Variants in CHRM3 observed in about 807,000 individuals in gnomAD.
The protein encoded by CHRM3 is muscarinic acetylcholine receptor M3.
In CHRM3, 11 loss-of-function variants were observed where a neutral mutation model predicts 41.8. The ratio of observed to expected loss-of-function variants is 0.26; its 90% CI spans 0.17 to 0.44. The LOEUF (loss-of-function observed/expected upper bound fraction) is 0.44. Among genes scored for constraint, CHRM3 ranks in the 20% least tolerant of loss-of-function variants. The probability of loss-of-function intolerance (pLI) is 1.00; values close to 1 mark genes in which losing one functional copy is unlikely to be tolerated. For synonymous variants in CHRM3, 297 were observed against 301.4 expected (o/e 0.99, Z 0.15); for missense variants, 571 against 745.4 (o/e 0.77, Z 2.72).
intron 6 of CHRM3, among the ~76,000 whole-genome samples, chr1:239,862,407 T>G (rs1279057686): frequency 6.6e-6 from 1 of 152,234 alleles, no homozygotes; most frequent in African/African-American, 2.4e-5. Flanking sequence ...AGTAGAGGTT[T>G]ATGTTCAAAG....
intron 3 of CHRM3, among the ~76,000 whole-genome samples, chr1:239,593,251 CCAAAATTTTA>C (rs1459475207): frequency 6.6e-6 from 1 of 152,108 alleles, no homozygotes; most frequent in Non-Finnish European, 1.5e-5. Context: ...ACCTTAAAAA[CCAAAATTTTA>C]TTCTTTACCT....
chr1:239,664,525 G>GT (rs1673570701), intron 4 of CHRM3, among the ~76,000 whole-genome samples: 2 of 152,112 alleles, frequency 1.3e-5, no homozygotes, highest in Admixed American at 6.5e-5. Flanking sequence ...AAACTTTATT[G>GT]TTTTTTCTCT....
At chr1:239,832,888 C>T (rs1673010817) in intron 6 of CHRM3, among the ~76,000 whole-genome samples, 1 of 152,176 alleles carries the variant, frequency 6.6e-6, no homozygotes. Flanking sequence ...GAGTCTGGGT[C>T]TGTTTAGTTA....
intron 6 of CHRM3, among the ~76,000 whole-genome samples, chr1:239,872,372 G>A (rs553727613): frequency 5.9e-5 from 9 of 152,224 alleles, no homozygotes; most frequent in East Asian, 1.9e-4. Context: ...GTGACCAATC[G>A]TAGCAGCAAT....
chr1:239,900,650 A>T (rs16839070), intron 6 of CHRM3, among the ~76,000 whole-genome samples: 56,835 of 151,804 alleles, frequency 0.37, 13,558 homozygotes, highest in African/African-American at 0.68. Context: ...AATGTACCTC[A>T]CCTGGGCTGT....
chr1:239,474,431 GTA>G (rs1558249947), intron 1 of CHRM3, among the ~76,000 whole-genome samples: 1 of 151,960 alleles, frequency 6.6e-6, no homozygotes, highest in Non-Finnish European at 1.5e-5. Flanking sequence ...CATACATCAT[GTA>G]TATCTATATA....
intron 3 of CHRM3, among the ~76,000 whole-genome samples, chr1:239,614,311 C>T (rs1440097816): frequency 3.9e-5 from 6 of 152,122 alleles, no homozygotes; most frequent in Admixed American, 2.6e-4. Flanking sequence ...TGATTAGTTA[C>T]GTTTCTCAAA....
intron 1 of CHRM3, among the ~76,000 whole-genome samples, chr1:239,420,856 A>G (rs576323965): frequency 6.6e-6 from 1 of 152,178 alleles, no homozygotes; most frequent in Non-Finnish European, 1.5e-5. Flanking sequence ...TATTAAAACA[A>G]TGAAACCACA....
At chr1:239,406,084 G>A (rs1660573828) in intron 1 of CHRM3, among the ~76,000 whole-genome samples, 1 of 152,058 alleles carries the variant, frequency 6.6e-6, no homozygotes, top group South Asian at 2.1e-4. Flanking sequence ...TTGAGAAGGG[G>A]TTTCACCATG....
intron 6 of CHRM3, among the ~76,000 whole-genome samples, chr1:239,842,049 G>T (rs1398617887): frequency 6.6e-6 from 1 of 152,080 alleles, no homozygotes; most frequent in African/African-American, 2.4e-5. Context: ...GCTGCTCCTT[G>T]TTTCATGAAT....
intron 6 of CHRM3, among the ~76,000 whole-genome samples, chr1:239,878,947 A>G (rs1421607614): frequency 6.6e-6 from 1 of 152,102 alleles, no homozygotes; most frequent in Non-Finnish European, 1.5e-5. Context: ...ACAGGACTTT[A>G]CAGGTCTACA....
intron 4 of CHRM3, among the ~76,000 whole-genome samples, chr1:239,658,842 G>A (rs557347577): frequency 9.2e-5 from 14 of 151,740 alleles, no homozygotes. Flanking sequence ...GGGTTCAAGC[G>A]ATTCTCCCAC....
At chr1:239,675,484 T>C (rs73109156) in intron 4 of CHRM3, among the ~76,000 whole-genome samples, 6,740 of 152,278 alleles carry the variant, frequency 0.044, 356 homozygotes, top group African/African-American at 0.12. Context: ...AGTTACATTT[T>C]GGAATGGTAC....
At chr1:239,467,206 T>C (rs1665794336) in intron 1 of CHRM3, among the ~76,000 whole-genome samples, 1 of 152,218 alleles carries the variant, frequency 6.6e-6, no homozygotes, top group Non-Finnish European at 1.5e-5. Flanking sequence ...AATTGAGTGC[T>C]TGTTTTTCCT....
intron 1 of CHRM3, among the ~76,000 whole-genome samples, chr1:239,398,592 G>A (rs890970381): frequency 1.3e-5 from 2 of 151,974 alleles, no homozygotes; most frequent in Non-Finnish European, 2.9e-5. Flanking sequence ...TTTGTCCATT[G>A]GTATAGTTAA....
chr1:239,465,670 T>A (rs1022056678), intron 1 of CHRM3, among the ~76,000 whole-genome samples: 3 of 152,184 alleles, frequency 2.0e-5, no homozygotes, highest in African/African-American at 7.2e-5. Context: ...ATCTTCGTGG[T>A]CACATGATTT....
At chr1:239,544,621 A>G (rs1430622382) in intron 2 of CHRM3, among the ~76,000 whole-genome samples, 2 of 152,240 alleles carry the variant, frequency 1.3e-5, no homozygotes, top group Non-Finnish European at 2.9e-5. Context: ...AAGGCAAAAA[A>G]TAGATGCCAA....
chr1:239,869,706 GATTAAGT>G (rs1201658557), intron 6 of CHRM3, among the ~76,000 whole-genome samples: 3 of 152,138 alleles, frequency 2.0e-5, no homozygotes, highest in Non-Finnish European at 4.4e-5. Flanking sequence ...AATTGCCCCT[GATTAAGT>G]ATTATCTTTT....
chr1:239,809,168 C>T (rs1163484797), intron 5 of CHRM3, among the ~76,000 whole-genome samples: 12 of 129,484 alleles, frequency 9.3e-5, no homozygotes, highest in South Asian at 3.0e-4. Flanking sequence ...TACAGGCACC[C>T]GCCACCACAC....
Sources: gnomAD v4.1 joint callset for allele counts (sites outside exome capture counted in the v4.1 genomes callset) on GRCh38, gnomAD v4.1.1 for gene constraint, MANE v1.5 for transcripts, NCBI Gene and HGNC (gene_info 2026-07-23, HGNC 2026-07-21) for gene names.